The following IFT43 variants were observed in gnomAD, a reference collection of about 807,000 sequenced individuals.
The protein encoded by IFT43 is intraflagellar transport 43, also known as intraflagellar transport protein 43 homolog.
In IFT43, 33 loss-of-function variants were observed where a neutral mutation model predicts 32.3. The observed-to-expected ratio is 1.02, with a 90% confidence interval of 0.77 to 1.37. The LOEUF is 1.37. Among genes scored for constraint, IFT43 ranks in the 40% most tolerant of loss-of-function variants. The pLI is 0.00. For synonymous variants in IFT43, 93 were observed against 98.2 expected (o/e 0.95, Z 0.31); for missense variants, 274 against 265.9 (o/e 1.03, Z -0.21).
chr14:76,000,497 C>T (rs1171121615), intron 2 of IFT43, among the ~76,000 whole-genome samples: 2 of 151,692 alleles, frequency 1.3e-5, no homozygotes, highest in African/African-American at 4.9e-5. Flanking sequence ...TTGTCTCGAT[C>T]TCCTGACCTC....
chr14:76,032,159 C>A (rs1594831029), intron 3 of IFT43, among the ~76,000 whole-genome samples: 1 of 152,132 alleles, frequency 6.6e-6, no homozygotes, highest in African/African-American at 2.4e-5. Context: ...TTGGAATTAT[C>A]CTGGCCTCCT....
chr14:75,985,934 G>A (rs2035513641), intron 1 of IFT43, 94 bp downstream of exon 1: 1 of 1,555,592 alleles, frequency 6.4e-7, no homozygotes, highest in Admixed American at 1.9e-5. Context: ...GACTCAGGGC[G>A]GCAGGCCTCG....
intron 2 of IFT43, among the ~76,000 whole-genome samples, chr14:76,007,991 C>G (rs2036011133): frequency 6.6e-6 from 1 of 152,230 alleles, no homozygotes; most frequent in Non-Finnish European, 1.5e-5. Context: ...GCAGCCCTAT[C>G]CCATGAGTCA....
At chr14:76,074,159 G>A (rs1318513413) in intron 5 of IFT43, among the ~76,000 whole-genome samples, 1 of 152,152 alleles carries the variant, frequency 6.6e-6, no homozygotes, top group Non-Finnish European at 1.5e-5. Context: ...GGATGAAATA[G>A]AATCAGATAT....
chr14:75,989,953 G>A (rs1041078908), intron 2 of IFT43, among the ~76,000 whole-genome samples: 4 of 152,220 alleles, frequency 2.6e-5, no homozygotes, highest in Non-Finnish European at 5.9e-5. Flanking sequence ...ACTTTCTTAA[G>A]CTCTCCACAT....
chr14:76,008,695 C>T (rs1346044016), intron 2 of IFT43, among the ~76,000 whole-genome samples: 1 of 152,194 alleles, frequency 6.6e-6, no homozygotes, highest in Non-Finnish European at 1.5e-5. Context: ...GATTCAGTCC[C>T]TCCTTCTTCA....
intron 2 of IFT43, among the ~76,000 whole-genome samples, chr14:76,002,886 G>C (rs2035916126): frequency 1.3e-5 from 2 of 152,204 alleles, no homozygotes; most frequent in Non-Finnish European, 2.9e-5. Flanking sequence ...AAGTCCGTGG[G>C]GGAAGCCAGG....
intron 3 of IFT43, among the ~76,000 whole-genome samples, chr14:76,052,958 G>C (rs541862652): frequency 1.3e-5 from 2 of 152,222 alleles, no homozygotes; most frequent in East Asian, 3.9e-4. Context: ...TGAAATGCCC[G>C]CATGTCTCCA....
At chr14:76,008,906 G>C (rs1022575806) in intron 2 of IFT43, among the ~76,000 whole-genome samples, 22 of 152,096 alleles carry the variant, frequency 1.4e-4, no homozygotes, top group African/African-American at 4.3e-4. Flanking sequence ...TCCTTGACTT[G>C]CCTCATTAAA....
At chr14:76,066,652 T>C (rs957845269) in intron 5 of IFT43, among the ~76,000 whole-genome samples, 2 of 152,154 alleles carry the variant, frequency 1.3e-5, no homozygotes, top group African/African-American at 2.4e-5. Flanking sequence ...CATTCAGCAA[T>C]GACATTAAGC....
chr14:76,058,753 G>T (rs762115925), intron 4 of IFT43, 79 bp downstream of exon 4: 1 of 1,605,474 alleles, frequency 6.2e-7, no homozygotes, highest in Admixed American at 1.7e-5. Flanking sequence ...GTCATGATCT[G>T]TTCCACCTAT....
At chr14:76,080,966 T>C (rs2037500243) in intron 5 of IFT43, among the ~76,000 whole-genome samples, 1 of 152,192 alleles carries the variant, frequency 6.6e-6, no homozygotes. Context: ...TTTCTTTCTA[T>C]TTTTATCCCT....
chr14:75,990,154 G>A (rs2035608890), intron 2 of IFT43, among the ~76,000 whole-genome samples: 1 of 152,214 alleles, frequency 6.6e-6, no homozygotes, highest in Non-Finnish European at 1.5e-5. Flanking sequence ...CCCCTCTAAA[G>A]GGACAACCAC....
intron 4 of IFT43, chr14:76,058,999 C>A: frequency 2.1e-6 from 3 of 1,427,516 alleles, no homozygotes; most frequent in Non-Finnish European, 2.7e-6. Context: ...CTTGCCTTCT[C>A]ATAAGACTTA....
At chr14:76,081,911 A>G (rs910425459) in intron 5 of IFT43, among the ~76,000 whole-genome samples, 1 of 152,224 alleles carries the variant, frequency 6.6e-6, no homozygotes, top group African/African-American at 2.4e-5. Flanking sequence ...TGACCATGCC[A>G]GGCTCACTTG....
At position 75,999,250 on chromosome 14, in the gene IFT43, TATATATATATATATATATA is replaced by T. The variant is rs1566699319; in HGVS notation, c.147+10274_147+10292del. ...TTTTATATATATATATATATATATA[TATATATATATATATATATA>T]TATGTATATATATTTTTTTTTTTTT... On this transcript the variant is annotated intron_variant, in intron 2 of 8. Transcript: ENST00000314067. Among the ~76,000 whole-genome samples the T allele has an allele frequency of 3.6e-3, 29 of 7,974 alleles. 1 individual carries two copies. The highest frequency in any genetic ancestry group is 0.012 in the African/African-American group (28 of 2,336). The allele number at this position is 7,974 out of a possible 152,430, so 5.2% of individuals were successfully genotyped here. A position where few individuals can be genotyped will look rare whatever the true frequency, so the allele number is the denominator to read the frequency against.
rs769253862 is a variant in IFT43, at chr14:76,083,514, C to T, written c.564C>T (p.Leu188=). The change falls in exon 9 of 9, where the codon CTC becomes CTT. Residue 188 remains leucine, a synonymous_variant. Coordinates refer to ENST00000314067, the MANE Select transcript of IFT43 (RefSeq NM_001102564.3). ...TCACTGAGGTGTCCTCAGAGGTCCTCACTGAGTGGGACCCACTGCAGACGG... is the reference window on the plus strand; with the variant it reads ...TCACTGAGGTGTCCTCAGAGGTCCTTACTGAGTGGGACCCACTGCAGACGG... ...HLFTEVSSEV[L]TEWDPLQTEK... The T allele has an allele frequency of 6.2e-6, 10 of 1,614,060 alleles. No individual in the cohort carries two copies. Among genetic ancestry groups the T allele is most frequent in the South Asian group, 1.1e-5 (1 of 91,084 alleles).
chr14:76,075,511 ATTAT>A (rs1472929748), intron 5 of IFT43, among the ~76,000 whole-genome samples: 4 of 152,174 alleles, frequency 2.6e-5, no homozygotes, highest in Non-Finnish European at 2.9e-5. Flanking sequence ...TTAGAAAAAA[ATTAT>A]TTATACGATT....
chr14:76,030,054 T>A (rs962806366), intron 3 of IFT43, among the ~76,000 whole-genome samples: 1 of 151,738 alleles, frequency 6.6e-6, no homozygotes, highest in Non-Finnish European at 1.5e-5. Flanking sequence ...CTAATTTTTT[T>A]AAATTCTTAT....
Sources: gnomAD v4.1 joint callset for allele counts (sites outside exome capture counted in the v4.1 genomes callset) on GRCh38, gnomAD v4.1.1 for gene constraint, MANE v1.5 for transcripts, NCBI Gene and HGNC (gene_info 2026-07-23, HGNC 2026-07-21) for gene names.